DYNC2H1: variants seen among roughly 807,000 people sequenced by gnomAD.
DYNC2H1 encodes the protein dynein cytoplasmic 2 heavy chain 1.
A neutral mutation model predicts 570.0 loss-of-function variants in DYNC2H1; 410 were observed. The observed-to-expected ratio is 0.72, with a 90% CI of 0.66 to 0.78. The LOEUF (loss-of-function observed/expected upper bound fraction) is 0.78, where lower values mean the gene tolerates loss of function less well. Ranked by LOEUF, DYNC2H1 falls within the 30% of genes least tolerant of loss-of-function variation. The probability of loss-of-function intolerance (pLI) is 0.00; values close to 1 mark genes in which losing one functional copy is unlikely to be tolerated. For synonymous variants in DYNC2H1, 1,688 were observed against 1,677.6 expected (o/e 1.01, Z -0.15); for missense variants, 4,865 against 5,046.4 (o/e 0.96, Z 1.09).
rs971589576 is a variant in DYNC2H1 at position 103,363,096 on chromosome 11, G to C, written c.12156+4737G>C. Among the ~76,000 whole-genome samples the C allele has an allele frequency of 6.6e-6, 1 of 151,988 alleles. No individual in the cohort carries two copies. The highest frequency in any genetic ancestry group is 1.5e-5 in the Non-Finnish European group (1 of 68,012). On this transcript the variant is annotated intron_variant, in intron 83 of 88. Coordinates refer to ENST00000375735, the MANE Select transcript of DYNC2H1 (RefSeq NM_001377.3). The surrounding 1 kb of genome is among the most constrained non-coding windows in gnomAD (Gnocchi z 5.6). ...GGCATTTCATTTAAGTATACTGACA[G>C]CTGGTCTAGGTTTAGCTTGATTTTT...
chr11:103,407,557 G>A (rs890673477), intron 84 of DYNC2H1: 26 of 152,018 alleles, frequency 1.7e-4, no homozygotes, highest in African/African-American at 6.0e-4. Flanking sequence ...AGCAGAAATG[G>A]GGGTATGCTG....
chr11:103,304,330 G>T (rs552500365), intron 76 of DYNC2H1, among the ~76,000 whole-genome samples: 5 of 152,218 alleles, frequency 3.3e-5, no homozygotes, highest in Admixed American at 1.3e-4. Context: ...TCAATATTCA[G>T]TTATCAGTGA....
At chr11:103,247,061 G>A (rs1261952499) in intron 65 of DYNC2H1, among the ~76,000 whole-genome samples, 1 of 151,316 alleles carries the variant, frequency 6.6e-6, no homozygotes, top group African/African-American at 2.4e-5. Context: ...GAAGGTAGAT[G>A]TGGCAGTTTG....
chr11:103,358,700 C>T (rs1198106704), intron 83 of DYNC2H1, among the ~76,000 whole-genome samples: 1 of 151,840 alleles, frequency 6.6e-6, no homozygotes, highest in Non-Finnish European at 1.5e-5. Context: ...CAGTTTCCAA[C>T]TTTTTTTTAA....
chr11:103,473,649 A>G (rs1399857865), intron 88 of DYNC2H1, among the ~76,000 whole-genome samples: 1 of 152,208 alleles, frequency 6.6e-6, no homozygotes, highest in Non-Finnish European at 1.5e-5. Flanking sequence ...CCTATGCTCC[A>G]TCAGGATCTA....
chr11:103,285,815 C>T (rs915095232), intron 73 of DYNC2H1, among the ~76,000 whole-genome samples: 4 of 152,122 alleles, frequency 2.6e-5, no homozygotes, highest in Admixed American at 2.0e-4. Flanking sequence ...CAAGGCAGGA[C>T]ACAAAGCCCC....
rs539516321 is a variant in DYNC2H1, at chr11:103,152,156, A to T, written c.2967A>T (p.Glu989Asp). ...RKPEILPLFQEAEDKNRLLRT... is the reference protein window; with the variant it reads ...RKPEILPLFQDAEDKNRLLRT... ...TTTAGATTTTGCCCTTATTTCAAGAAGCTGAAGACAAAAACAGACTTTTAC... is the reference window on the plus strand; with the variant it reads ...TTTAGATTTTGCCCTTATTTCAAGATGCTGAAGACAAAAACAGACTTTTAC... The change falls in exon 21 of 89, where the codon GAA becomes GAT. Residue 989 changes from glutamate to aspartate, a missense_variant. Physicochemically the swap from Glu to Asp is conservative, Grantham distance 45. This residue lies in a region of DYNC2H1 where 1,936 missense variants were observed against 1,962.1 expected (regional missense o/e 0.99). Coordinates refer to ENST00000375735, the MANE Select transcript of DYNC2H1 (RefSeq NM_001377.3). 1 of 1,606,422 alleles carries T rather than the reference A, an allele frequency of 6.2e-7. No individual in the cohort carries two copies. The highest frequency in any genetic ancestry group is 8.5e-7 in the Non-Finnish European group (1 of 1,177,388).
intron 85 of DYNC2H1, chr11:103,454,904 G>A (rs1471060569): frequency 6.6e-6 from 2 of 304,372 alleles, no homozygotes; most frequent in Non-Finnish European, 1.2e-5. Flanking sequence ...CCAAAATGGG[G>A]TGCTGTACAT....
At position 103,192,087 on chromosome 11, in the gene DYNC2H1, C is replaced by T; in HGVS notation, c.7541-10C>T. 2 of 1,453,800 alleles carry T rather than the reference C, an allele frequency of 1.4e-6. No individual in the cohort carries two copies. Among genetic ancestry groups the T allele is most frequent in the Non-Finnish European group, 1.8e-6 (2 of 1,090,372 alleles). 90.1% of individuals were successfully genotyped at this position (1,453,800 alleles called of 1,614,324 possible). On this transcript the variant is annotated splice_polypyrimidine_tract_variant and intron_variant, in intron 46 of 88. Transcript: ENST00000375735. ...TATATTACAATTAAATAAAATTTTG[C>T]CTTTTCTAGGATCCTCAAACCATCC...
In DYNC2H1 at chr11:103,200,147, G is replaced by A. The variant is rs770800903; in HGVS notation, c.8190G>A (p.Leu2730=). ...TTTTGGAGATGATCAATAGCCTTTT[G>A]TCTTCAGGCAAGTGAACAGTTTCTT... ...PTFLEMINSL[L]SSGEVPGLYT... Residue 2730 remains leucine, a synonymous_variant, in exon 50 of 89, where the codon TTG becomes TTA. Coordinates refer to ENST00000375735, the MANE Select transcript of DYNC2H1 (RefSeq NM_001377.3). 3.8e-6 allele frequency: 6 copies of A among 1,561,132 alleles called. No homozygotes were observed. The highest frequency in any genetic ancestry group is 1.2e-5 in the South Asian group (1 of 82,282).
intron 17 of DYNC2H1, among the ~76,000 whole-genome samples, chr11:103,142,294 T>C (rs913710366): frequency 2.0e-5 from 3 of 152,210 alleles, no homozygotes; most frequent in African/African-American, 7.2e-5. Context: ...TCACCTGTCT[T>C]CTGCGTCGCC....
At chr11:103,445,953 T>G (rs17100905) in intron 85 of DYNC2H1, among the ~76,000 whole-genome samples, 53,540 of 151,730 alleles carry the variant, frequency 0.35, 9,978 homozygotes, top group African/African-American at 0.47. Flanking sequence ...TGCGCGGCCC[T>G]TGATTTCAAA....
chr11:103,287,120 TGAC>T (rs1212056910), intron 74 of DYNC2H1, among the ~76,000 whole-genome samples: 1 of 151,940 alleles, frequency 6.6e-6, no homozygotes, highest in Non-Finnish European at 1.5e-5. Flanking sequence ...CCAGCCTGGG[TGAC>T]AGGGCAAGAT....
chr11:103,355,357 A>G (rs2135519264), intron 82 of DYNC2H1, among the ~76,000 whole-genome samples: 1 of 152,306 alleles, frequency 6.6e-6, no homozygotes, highest in South Asian at 2.1e-4. Flanking sequence ...AAAAATGTAA[A>G]TAATCTACTA....
intron 47 of DYNC2H1, among the ~76,000 whole-genome samples, chr11:103,195,627 T>C (rs1415382478): frequency 6.6e-6 from 1 of 152,180 alleles, no homozygotes; most frequent in Non-Finnish European, 1.5e-5. Context: ...TTTCTGTTTC[T>C]TTGTCTTTTC....
chr11:103,189,794 C>A lies in DYNC2H1; in HGVS notation c.7415C>A (p.Ser2472Tyr), dbSNP rs1457273908. Reference sequence around the variant, plus strand: ...TCAAAAATTTATCTTTTAGCAGGATCTATGGTACAAGTGTATGAACAGGTA... The same window carrying A: ...TCAAAAATTTATCTTTTAGCAGGATATATGGTACAAGTGTATGAACAGGTA... ...SSSKIYLLAGSMVQVYEQVRA... is the reference protein window; with the variant it reads ...SSSKIYLLAGYMVQVYEQVRA... The change falls in exon 45 of 89, where the codon TCT (serine) becomes TAT (tyrosine). Residue 2472 changes from serine (S) to tyrosine (Y), a missense_variant. This residue lies in a region of DYNC2H1 where 2,401 missense variants were observed against 2,454.6 expected (regional missense o/e 0.98). Transcript: ENST00000375735. The surrounding 1 kb of genome is among the most constrained non-coding windows in gnomAD (Gnocchi z 4.3). 1 of 1,610,396 alleles carries A rather than the reference C, an allele frequency of 6.2e-7. No homozygotes were observed. The highest frequency in any genetic ancestry group is 8.5e-7 in the Non-Finnish European group (1 of 1,178,870).
intron 65 of DYNC2H1, among the ~76,000 whole-genome samples, chr11:103,251,907 C>A (rs1565432486): frequency 6.6e-6 from 1 of 151,946 alleles, no homozygotes; most frequent in African/African-American, 2.4e-5. Context: ...GTATACACAT[C>A]ATGTTTTCTT....
chr11:103,309,356 C>CTT (rs61629207), intron 78 of DYNC2H1, among the ~76,000 whole-genome samples: 27 of 141,440 alleles, frequency 1.9e-4, no homozygotes, highest in Admixed American at 5.7e-4. Flanking sequence ...TATTTCTTTT[C>CTT]TTTTTTTTTT....
chr11:103,137,670 A>G (rs1408008130), intron 17 of DYNC2H1, among the ~76,000 whole-genome samples: 1 of 151,938 alleles, frequency 6.6e-6, no homozygotes, highest in East Asian at 1.9e-4. Context: ...TGATGCCTCC[A>G]GCTTTGTTCT....
Sources: gnomAD v4.1 joint callset for allele counts (sites outside exome capture counted in the v4.1 genomes callset) on GRCh38, gnomAD v4.1.1 for gene constraint, gnomAD v4.1.1 regional missense constraint, Gnocchi (gnomAD v3.1) non-coding constraint, MANE v1.5 for transcripts, NCBI Gene and HGNC (gene_info 2026-07-23, HGNC 2026-07-21) for gene names.